Variants in IPMK observed in about 807,000 individuals in gnomAD.
IPMK encodes the protein inositol 1,3,4,6-tetrakisphosphate 5-kinase.
A neutral mutation model predicts 45.8 loss-of-function variants in IPMK; 17 were observed. The ratio of observed to expected loss-of-function variants is 0.37; its 90% CI spans 0.25 to 0.56. The LOEUF is 0.56. IPMK is among the 20% of genes least tolerant of loss of function. The probability of loss-of-function intolerance (pLI) is 0.79; values close to 1 mark genes in which losing one functional copy is unlikely to be tolerated. For missense variants in IPMK, 399 were observed against 498.0 expected (o/e 0.80, Z 1.89); for synonymous variants, 180 against 184.3 (o/e 0.98, Z 0.19).
chr10:58,204,044 A>G (rs1838035588), intron 4 of IPMK, among the ~76,000 whole-genome samples: 1 of 144,782 alleles, frequency 6.9e-6, no homozygotes. Context: ...TTTTTTAATT[A>G]AAGTATACAC....
At chr10:58,258,158 A>G (rs942228561) in intron 1 of IPMK, among the ~76,000 whole-genome samples, 1 of 151,994 alleles carries the variant, frequency 6.6e-6, no homozygotes, top group Non-Finnish European at 1.5e-5. Flanking sequence ...AAAAATACAA[A>G]AACTAGCCGG....
At chr10:58,212,773 T>C (rs1838184634) in intron 4 of IPMK, 3 of 223,916 alleles carry the variant, frequency 1.3e-5, no homozygotes, top group African/African-American at 4.7e-5. Context: ...GTAGTTCTTG[T>C]AGGTGTTTTT....
chr10:58,254,591 T>C (rs11006097), intron 1 of IPMK, among the ~76,000 whole-genome samples: 18,630 of 152,260 alleles, frequency 0.12, 1,187 homozygotes, highest in Middle Eastern at 0.18. Context: ...AGTAGTACCA[T>C]ACTTCGTTGG....
At chr10:58,219,106 T>C (rs961073641) in intron 3 of IPMK, among the ~76,000 whole-genome samples, 20 of 152,352 alleles carry the variant, frequency 1.3e-4, no homozygotes, top group Middle Eastern at 3.4e-3. Flanking sequence ...ACCAAATAAC[T>C]GCTAAATTAT....
chr10:58,229,516 C>G (rs755991174), intron 2 of IPMK, among the ~76,000 whole-genome samples: 7 of 142,494 alleles, frequency 4.9e-5, no homozygotes, highest in Non-Finnish European at 1.0e-4. Flanking sequence ...TGAGCAGAGA[C>G]TGCGCCACTG....
intron 3 of IPMK, among the ~76,000 whole-genome samples, chr10:58,224,456 C>T (rs868424177): frequency 6.6e-6 from 1 of 152,134 alleles, no homozygotes; most frequent in African/African-American, 2.4e-5. Flanking sequence ...AATTCCACTG[C>T]TCATGTTCTA....
chr10:58,266,212 T>C (rs1839145542), intron 1 of IPMK, among the ~76,000 whole-genome samples: 1 of 151,386 alleles, frequency 6.6e-6, no homozygotes, highest in Non-Finnish European at 1.5e-5. Flanking sequence ...TATGAGAGAA[T>C]ACAGATTCTC....
rs777540109 is a variant in IPMK, at chr10:58,216,294, C to T, written c.397G>A (p.Val133Met). 6.4e-7 allele frequency: 1 copy of T among 1,558,092 alleles called. No homozygotes were observed. The highest frequency in any genetic ancestry group is 8.7e-7 in the Non-Finnish European group (1 of 1,149,066). Residue 133 changes from valine (V) to methionine (M), a missense_variant, in exon 4 of 6, where the codon GTG (valine) becomes ATG (methionine). This residue lies in a region of IPMK where 288 missense variants were observed against 398.0 expected (regional missense o/e 0.72). Coordinates refer to ENST00000373935, the MANE Select transcript of IPMK (RefSeq NM_152230.5). ...PNDLYLKLEDVTHKFNKPCIM... is the reference protein window; with the variant it reads ...PNDLYLKLEDMTHKFNKPCIM... Reference sequence around the variant, plus strand: ...CAGGGCTTATTAAATTTATGGGTCACATCTTCCAGTTTTAGGTATAAATCT... The same window carrying T: ...CAGGGCTTATTAAATTTATGGGTCATATCTTCCAGTTTTAGGTATAAATCT...
Position 58,237,276 on chromosome 10 carries a change from A to G in IPMK, c.276+453T>C, listed in dbSNP as rs75534349. Among the ~76,000 whole-genome samples, 21 of 152,218 alleles carry G rather than the reference A, an allele frequency of 1.4e-4. 1 individual carries two copies. Among genetic ancestry groups the G allele is most frequent in the African/African-American group, 5.1e-4 (21 of 41,534 alleles). ...TTACTTTTCTAGCTCCCTCCTTAACAGGTCATGTCTTCTCATAAAAATTAC... is the reference window on the plus strand; with the variant it reads ...TTACTTTTCTAGCTCCCTCCTTAACGGGTCATGTCTTCTCATAAAAATTAC... On this transcript the variant is annotated intron_variant, in intron 2 of 5. Transcript: ENST00000373935.
At chr10:58,217,987 T>C (rs939870563) in intron 3 of IPMK, among the ~76,000 whole-genome samples, 7 of 152,160 alleles carry the variant, frequency 4.6e-5, no homozygotes, top group African/African-American at 9.7e-5. Context: ...AGAACCCAGT[T>C]AGGGCTTGAA....
At chr10:58,234,852 A>G (rs1838584006) in intron 2 of IPMK, among the ~76,000 whole-genome samples, 1 of 152,230 alleles carries the variant, frequency 6.6e-6, no homozygotes, top group Non-Finnish European at 1.5e-5. Flanking sequence ...TGCATGGCAA[A>G]AGAAACTACC....
chr10:58,223,552 T>C (rs1162822074), intron 3 of IPMK, among the ~76,000 whole-genome samples: 4 of 152,230 alleles, frequency 2.6e-5, no homozygotes, highest in Admixed American at 1.3e-4. Flanking sequence ...TTCCTCATCC[T>C]ATCTGGAAAA....
chr10:58,212,123 C>T (rs2440845), intron 4 of IPMK, among the ~76,000 whole-genome samples: 51,290 of 151,592 alleles, frequency 0.34, 10,908 homozygotes, highest in African/African-American at 0.61. Flanking sequence ...ATGGTCTCTC[C>T]CCTTTACTGC....
intron 1 of IPMK, among the ~76,000 whole-genome samples, chr10:58,263,813 T>C (rs1839109877): frequency 6.6e-6 from 1 of 152,192 alleles, no homozygotes; most frequent in Non-Finnish European, 1.5e-5. Flanking sequence ...GCTGGAAAAG[T>C]ATCATCTGAA....
intron 1 of IPMK, among the ~76,000 whole-genome samples, chr10:58,263,438 C>A (rs991025426): frequency 2.0e-5 from 3 of 151,910 alleles, no homozygotes; most frequent in African/African-American, 7.3e-5. Context: ...GCACGAGAAT[C>A]ACTTGAACCT....
rs185185082 is a variant in IPMK, at chr10:58,196,339, G to T, written c.988C>A (p.His330Asn). ...RHRKIYTKKH[H>N]SQTSLKVENL... Reference sequence around the variant, plus strand: ...TCAACTTTCAATGAAGTCTGACTGTGATGCTTTTTTGTATATATTTTCCTG... The same window carrying T: ...TCAACTTTCAATGAAGTCTGACTGTTATGCTTTTTTGTATATATTTTCCTG... The change falls in exon 6 of 6, where the codon CAC (histidine) becomes AAC (asparagine). Residue 330 changes from histidine (H) to asparagine (N), a missense_variant. This residue lies in a region of IPMK where 288 missense variants were observed against 398.0 expected (regional missense o/e 0.72). Transcript: ENST00000373935. The T allele has an allele frequency of 6.2e-7, 1 of 1,614,012 alleles. No individual in the cohort carries two copies. Among genetic ancestry groups the T allele is most frequent in the African/African-American group, 1.3e-5 (1 of 74,918 alleles).
intron 2 of IPMK, among the ~76,000 whole-genome samples, chr10:58,230,109 G>A (rs1838489888): frequency 6.6e-6 from 1 of 152,170 alleles, no homozygotes; most frequent in African/African-American, 2.4e-5. Context: ...CTGGGGGAGG[G>A]GAATCCACCA....
At chr10:58,202,967 T>C in intron 4 of IPMK, among the ~76,000 whole-genome samples, 1 of 152,194 alleles carries the variant, frequency 6.6e-6, no homozygotes, top group East Asian at 1.9e-4. Context: ...GAAATACATT[T>C]TGCAAGGCTA....
chr10:58,229,917 C>T (rs143731620), intron 2 of IPMK, among the ~76,000 whole-genome samples: 9,165 of 152,210 alleles, frequency 0.06, 320 homozygotes, highest in African/African-American at 0.086. Flanking sequence ...CAAGGGAAGC[C>T]GTGACAGACT....
Sources: gnomAD v4.1 joint callset for allele counts (sites outside exome capture counted in the v4.1 genomes callset) on GRCh38, gnomAD v4.1.1 for gene constraint, gnomAD v4.1.1 regional missense constraint, MANE v1.5 for transcripts, NCBI Gene and HGNC (gene_info 2026-07-23, HGNC 2026-07-21) for gene names.